The following ZP2 variants were observed in gnomAD, a reference collection of about 807,000 sequenced individuals.
ZP2 encodes zona pellucida glycoprotein 2, also known as zona pellucida sperm-binding protein 2.
ZP2 carries 51 observed loss-of-function variants against 84.0 expected under a neutral mutation model. That is an observed-to-expected ratio of 0.61 (90% CI 0.49 to 0.77). ZP2 has a LOEUF of 0.77. Among genes scored for constraint, ZP2 ranks in the 30% least tolerant of loss-of-function variants. The pLI is 0.00. For missense variants in ZP2, 909 were observed against 911.9 expected (o/e 1.00, Z 0.04); for synonymous variants, 375 against 330.9 (o/e 1.13, Z -1.45).
Position 21,204,105 on chromosome 16 carries a change from C to T in ZP2, c.897G>A (p.Leu299=). The T allele has an allele frequency of 1.9e-6, 3 of 1,614,146 alleles. No homozygotes were observed. Among genetic ancestry groups the T allele is most frequent in the Non-Finnish European group, 2.5e-6 (3 of 1,180,026 alleles). The part of the protein sequence containing the change: ...FENQNIDVSQ[L]HDNGIDLEAT... ...CTTCTAGATCAATTCCATTGTCATG[C>T]AGCTGGCTCACATCAATGTTCTGGT... The change falls in exon 9 of 19, where the codon CTG becomes CTA. Residue 299 remains leucine (L), a synonymous_variant. Transcript: ENST00000574091.
intron 1 of ZP2, 38 bp downstream of exon 1, chr16:21,211,448 C>T (rs2066755): frequency 6.2e-7 from 1 of 1,613,966 alleles, no homozygotes; most frequent in East Asian, 2.2e-5. Context: ...ACAAACAAAG[C>T]TACCATACCC....
intron 14 of ZP2, 58 bp downstream of exon 14, chr16:21,201,310 CA>C: frequency 6.8e-7 from 1 of 1,461,034 alleles, no homozygotes; most frequent in Non-Finnish European, 9.1e-7. Context: ...GGTTTATTCC[CA>C]TTACTGGCAA....
chr16:21,205,882 A>G (rs1329665332), intron 5 of ZP2, 107 bp from the exon 6 acceptor site: 1 of 1,076,012 alleles, frequency 9.3e-7, no homozygotes, highest in Admixed American at 1.9e-5. Flanking sequence ...CTGCTGTGGG[A>G]TGCAGTGGAA....
chr16:21,198,070 A>G, intron 17 of ZP2: 1 of 482,718 alleles, frequency 2.1e-6, no homozygotes, highest in East Asian at 3.5e-5. Context: ...ATCTTTGACT[A>G]CTATACAAGA....
chr16:21,206,859 G>T lies in ZP2; in HGVS notation c.462C>A (p.Ile154=). 1 of 1,614,160 alleles carries T rather than the reference G, an allele frequency of 6.2e-7. No individual in the cohort carries two copies. Among genetic ancestry groups the T allele is most frequent in the South Asian group, 1.1e-5 (1 of 91,086 alleles). ...TCACAGACATGAAATCCTTCTGGCA[G>T]ATTGTAGATGCTGAAAGCCCCTGGG... ...EETQGLSAST[I]CQKDFMSFSL... is the part of the protein sequence containing the mutation. The change falls in exon 5 of 19, where the codon ATC becomes ATA. Residue 154 remains isoleucine (I), a synonymous_variant. Transcript: ENST00000574091.
rs187438664 is a variant in ZP2, at chr16:21,202,524, A to T, written c.1100-233T>A. ...TTTCATCCAAAGGAGGGACCAGTAG[A>T]TGTAGGAAGAAGTGCTATATGGTAT... On this transcript the variant is annotated intron_variant, in intron 10 of 18. Coordinates refer to ENST00000574091, the MANE Select transcript of ZP2 (RefSeq NM_001376232.1). 1.6e-4 allele frequency among the ~76,000 whole-genome samples: 24 copies of T among 152,322 alleles called. No homozygotes were observed. In the East Asian group the frequency reaches 4.4e-3, roughly 28 times the overall value.
At chr16:21,198,528 G>A (rs1191892004) in intron 17 of ZP2, among the ~76,000 whole-genome samples, 1 of 152,154 alleles carries the variant, frequency 6.6e-6, no homozygotes, top group African/African-American at 2.4e-5. Flanking sequence ...ACAGATATAA[G>A]GTAGATAAGA....
intron 14 of ZP2, among the ~76,000 whole-genome samples, chr16:21,200,295 G>C (rs1276645404): frequency 6.6e-6 from 1 of 152,132 alleles, no homozygotes; most frequent in Non-Finnish European, 1.5e-5. Flanking sequence ...AAAATTAGCT[G>C]GGCATGGTGG....
intron 14 of ZP2, among the ~76,000 whole-genome samples, chr16:21,200,494 G>T (rs887639844): frequency 6.6e-6 from 1 of 152,172 alleles, no homozygotes; most frequent in African/African-American, 2.4e-5. Context: ...GAAAGCAAAG[G>T]TGCAGTTTTA....
upstream of ZP2, chr16:21,214,143 C>T (rs1053414269): frequency 2.7e-5 from 20 of 744,776 alleles, no homozygotes; most frequent in Non-Finnish European, 3.1e-5. Context: ...GCACAGAGAC[C>T]CCAAGCAGGA....
chr16:21,208,287 G>A (rs202178390), intron 4 of ZP2, among the ~76,000 whole-genome samples: 22 of 152,272 alleles, frequency 1.4e-4, no homozygotes, highest in Middle Eastern at 3.4e-3. Context: ...AAGGGAATGC[G>A]ACTCCAAGAC....
chr16:21,199,124 T>C (rs952796477), intron 16 of ZP2, among the ~76,000 whole-genome samples: 1 of 151,858 alleles, frequency 6.6e-6, no homozygotes, highest in African/African-American at 2.4e-5. Flanking sequence ...GAGACCAGCC[T>C]GGCCTGGCCA....
At chr16:21,212,768 A>T (rs1175911604), upstream of ZP2, among the ~76,000 whole-genome samples, 3 of 152,210 alleles carry the variant, frequency 2.0e-5, no homozygotes, top group Non-Finnish European at 4.4e-5. Context: ...TAAGAATGTT[A>T]TATTGTTGTA....
rs764226038 is a variant in ZP2 at position 21,202,042 on chromosome 16, T to C, written c.1288-19A>G. 1.2e-6 allele frequency: 2 copies of C among 1,613,822 alleles called. No individual in the cohort carries two copies. Among genetic ancestry groups the C allele is most frequent in the South Asian group, 1.1e-5 (1 of 91,052 alleles). ...CTTCGAACTTAAATGTCAGAGAAAGTGGGTTAGCAGCCAGTTATGTCAAAG... is the reference window on the plus strand; with the variant it reads ...CTTCGAACTTAAATGTCAGAGAAAGCGGGTTAGCAGCCAGTTATGTCAAAG... On this transcript the variant is annotated intron_variant, in intron 11 of 18. Transcript: ENST00000574091.
At chr16:21,211,578 G>A (rs772508745), upstream of ZP2, 1 of 1,613,960 alleles carries the variant, frequency 6.2e-7, no homozygotes, top group South Asian at 1.1e-5. Context: ...CAACCAGGTA[G>A]AGGGTAGGCT....
intron 5 of ZP2, among the ~76,000 whole-genome samples, chr16:21,206,331 A>G (rs1010017664): frequency 1.3e-5 from 2 of 152,120 alleles, no homozygotes; most frequent in Admixed American, 6.5e-5. Context: ...CCTTTCACCA[A>G]TGTCCATAGA....
intron 4 of ZP2, among the ~76,000 whole-genome samples, chr16:21,207,804 C>T (rs997510465): frequency 3.3e-5 from 5 of 151,820 alleles, no homozygotes; most frequent in African/African-American, 7.3e-5. Flanking sequence ...TGCAGTGAGC[C>T]GAGATTATGC....
intron 4 of ZP2, among the ~76,000 whole-genome samples, chr16:21,209,071 T>C (rs1469252462): frequency 6.6e-6 from 1 of 152,196 alleles, no homozygotes; most frequent in Non-Finnish European, 1.5e-5. Flanking sequence ...TGCCAGCATC[T>C]TTGGCTTGTA....
intron 14 of ZP2, among the ~76,000 whole-genome samples, chr16:21,200,807 G>A (rs2093221508): frequency 2.0e-5 from 3 of 152,242 alleles, no homozygotes. Context: ...CAGATGGATA[G>A]AGGCTAGAGA....
Sources: allele counts gnomAD v4.1 joint callset (sites outside exome capture counted in the v4.1 genomes callset), GRCh38; gene constraint gnomAD v4.1.1; transcripts MANE v1.5; gene names NCBI Gene and HGNC (gene_info 2026-07-23, HGNC 2026-07-21).